Variants in ADAMTS19 observed in about 807,000 individuals in gnomAD.
ADAMTS19 encodes the protein A disintegrin and metalloproteinase with thrombospondin motifs 19.
In ADAMTS19, 93 loss-of-function variants were observed where a neutral mutation model predicts 153.3. The observed-to-expected ratio is 0.61, with a 90% CI of 0.51 to 0.72. The LOEUF is 0.72. Among genes scored for constraint, ADAMTS19 ranks in the 30% least tolerant of loss-of-function variants. The pLI is 0.00. For synonymous variants in ADAMTS19, 600 were observed against 556.6 expected, an observed-to-expected ratio of 1.08 and a Z score of -1.10; for missense variants, 1,482 against 1,552.1, an observed-to-expected ratio of 0.95 and a Z score of 0.76.
intron 7 of ADAMTS19, among the ~76,000 whole-genome samples, chr5:129,564,757 T>C (rs1168945319): frequency 2.0e-5 from 3 of 152,020 alleles, no homozygotes; most frequent in South Asian, 2.1e-4. Flanking sequence ...GTCGGGAAAA[T>C]TGGTCCTTCA....
intron 17 of ADAMTS19, among the ~76,000 whole-genome samples, chr5:129,681,523 ATATAT>A (rs1419798489): frequency 6.6e-6 from 1 of 152,140 alleles, no homozygotes; most frequent in Admixed American, 6.6e-5. Flanking sequence ...CCTGTGTAAT[ATATAT>A]TATTATTACT....
intron 16 of ADAMTS19, among the ~76,000 whole-genome samples, chr5:129,679,511 G>A (rs1445720617): frequency 6.6e-6 from 1 of 152,124 alleles, no homozygotes; most frequent in African/African-American, 2.4e-5. Context: ...ATACATCAAA[G>A]GTCCAAGGAG....
At chr5:129,589,230 A>T (rs187199350) in intron 7 of ADAMTS19, among the ~76,000 whole-genome samples, 34 of 151,780 alleles carry the variant, frequency 2.2e-4, no homozygotes, top group African/African-American at 7.2e-4. Flanking sequence ...TTTAATTGAG[A>T]ATGTTTATGA....
At chr5:129,695,236 A>G (rs905088380) in intron 19 of ADAMTS19, among the ~76,000 whole-genome samples, 4 of 152,140 alleles carry the variant, frequency 2.6e-5, no homozygotes. Flanking sequence ...TGGGACTGCC[A>G]TGACCCAGAT....
chr5:129,668,516 G>A (rs541105217), intron 16 of ADAMTS19, among the ~76,000 whole-genome samples: 106 of 152,234 alleles, frequency 7.0e-4, no homozygotes, highest in African/African-American at 2.4e-3. Flanking sequence ...ATGGTGGAAG[G>A]AGCTAGCTAG....
intron 6 of ADAMTS19, among the ~76,000 whole-genome samples, chr5:129,544,463 A>G (rs1752780878): frequency 1.3e-5 from 2 of 152,164 alleles, no homozygotes; most frequent in South Asian, 2.1e-4. Context: ...CTTCATTCCT[A>G]TATGGTAGGT....
intron 2 of ADAMTS19, among the ~76,000 whole-genome samples, chr5:129,478,179 A>G (rs1750288923): frequency 6.6e-6 from 1 of 152,196 alleles, no homozygotes; most frequent in African/African-American, 2.4e-5. Flanking sequence ...GCTTGTGTGT[A>G]AATCTAGTTT....
At position 129,684,215 on chromosome 5, in the gene ADAMTS19, G is replaced by A; in HGVS notation, c.2760G>A (p.Glu920=). The A allele has an allele frequency of 6.2e-7, 1 of 1,614,164 alleles. No individual in the cohort carries two copies. The highest frequency in any genetic ancestry group is 8.5e-7 in the Non-Finnish European group (1 of 1,180,034). Residue 920 remains glutamate, a synonymous_variant, in exon 18 of 23, where the codon GAG becomes GAA. Transcript: ENST00000274487. ...AAAACCAGAGCTCTAAAGCACCTGA[G>A]CCCCTCTTCATGTGGACACACACAA... The part of the protein sequence containing the change: ...LPENQSSKAP[E]PLFMWTHTSW...
intron 18 of ADAMTS19, among the ~76,000 whole-genome samples, chr5:129,685,590 A>G (rs1042835363): frequency 2.0e-5 from 3 of 152,160 alleles, no homozygotes; most frequent in African/African-American, 7.2e-5. Context: ...AAAATTAATA[A>G]AGTGTTTGGC....
chr5:129,686,963 T>C (rs2127133935), intron 18 of ADAMTS19, among the ~76,000 whole-genome samples: 2 of 152,174 alleles, frequency 1.3e-5, no homozygotes, highest in Admixed American at 1.3e-4. Flanking sequence ...TATCCTCCCA[T>C]CCTCTCCTGC....
intron 13 of ADAMTS19, among the ~76,000 whole-genome samples, chr5:129,653,804 A>AT (rs1213018358): frequency 6.6e-6 from 1 of 152,064 alleles, no homozygotes; most frequent in African/African-American, 2.4e-5. Flanking sequence ...CCCTTTAGAC[A>AT]TTTTTTCAAT....
At chr5:129,662,783 T>TA (rs1248583763) in intron 15 of ADAMTS19, among the ~76,000 whole-genome samples, 8 of 152,058 alleles carry the variant, frequency 5.3e-5, no homozygotes, top group Admixed American at 2.6e-4. Context: ...ATGTTTGACA[T>TA]ACAGCTTTTG....
intron 7 of ADAMTS19, among the ~76,000 whole-genome samples, chr5:129,560,181 T>G (rs776543858): frequency 2.0e-5 from 3 of 152,248 alleles, no homozygotes; most frequent in Non-Finnish European, 4.4e-5. Context: ...TTGGCATCCA[T>G]TGTTGCTCTT....
chr5:129,613,425 C>T (rs1037481117), intron 8 of ADAMTS19, among the ~76,000 whole-genome samples: 5 of 152,090 alleles, frequency 3.3e-5, no homozygotes, highest in African/African-American at 4.8e-5. Context: ...CAACCTGTTC[C>T]TGAATGACTA....
intron 7 of ADAMTS19, among the ~76,000 whole-genome samples, chr5:129,578,750 G>A (rs1290816526): frequency 1.3e-5 from 2 of 152,034 alleles, no homozygotes; most frequent in African/African-American, 4.8e-5. Flanking sequence ...CTTCATCCAT[G>A]TCCCCACAAA....
chr5:129,495,948 A>G (rs1750914472), intron 2 of ADAMTS19, among the ~76,000 whole-genome samples: 2 of 152,004 alleles, frequency 1.3e-5, no homozygotes, highest in South Asian at 2.1e-4. Context: ...CACTGGTGGG[A>G]TATGTATAAA....
chr5:129,734,550 T>C (rs1757583942), intron 21 of ADAMTS19, among the ~76,000 whole-genome samples: 1 of 152,010 alleles, frequency 6.6e-6, no homozygotes, highest in African/African-American at 2.4e-5. Context: ...TGAACATCGA[T>C]GATTAAATTA....
At position 129,538,227 on chromosome 5, in the gene ADAMTS19, T is replaced by C. The variant is rs560256808; in HGVS notation, c.1328+9550T>C. On this transcript the variant is annotated intron_variant, in intron 6 of 22. Transcript: ENST00000274487. ...TAAGTACAAGAATAAAGATAAAAAT[T>C]AGCTTATAGTCCCACTACACAGGAA... Among the ~76,000 whole-genome samples, 3 of 152,192 alleles carry C rather than the reference T, an allele frequency of 2.0e-5. No homozygotes were observed. The South Asian group carries it at 6.2e-4, about 32-fold the overall frequency.
At chr5:129,465,381 C>T (rs1183419162) in intron 2 of ADAMTS19, among the ~76,000 whole-genome samples, 1 of 127,036 alleles carries the variant, frequency 7.9e-6, no homozygotes, top group Non-Finnish European at 1.5e-5. Flanking sequence ...TATACCTGGC[C>T]TATTTTTTTT....
Sources: allele counts gnomAD v4.1 joint callset (sites outside exome capture counted in the v4.1 genomes callset), GRCh38; gene constraint gnomAD v4.1.1; transcripts MANE v1.5; gene names NCBI Gene and HGNC (gene_info 2026-07-23, HGNC 2026-07-21).